SLC25A21: variants seen among roughly 807,000 people sequenced by gnomAD.
The protein encoded by SLC25A21 is mitochondrial 2-oxodicarboxylate carrier.
A neutral mutation model predicts 43.8 loss-of-function variants in SLC25A21; 47 were observed. The observed-to-expected ratio is 1.07, with a 90% CI of 0.85 to 1.37. The LOEUF (loss-of-function observed/expected upper bound fraction) is 1.37. SLC25A21 is among the 40% of genes most tolerant of loss of function. The pLI is 0.00. For missense variants in SLC25A21, 352 were observed against 350.2 expected (o/e 1.00, Z -0.04); for synonymous variants, 131 against 121.3 (o/e 1.08, Z -0.52).
chr14:36,903,614 GAAA>G (rs71124784), intron 1 of SLC25A21, among the ~76,000 whole-genome samples: 111 of 50,438 alleles, frequency 2.2e-3, no homozygotes, highest in South Asian at 0.012. Context: ...CTCCGTCTCA[GAAA>G]AAAAAAAAAA....
rs537381869 is a variant in SLC25A21 at position 36,748,344 on chromosome 14, G to T, written c.204-13771C>A. Among the ~76,000 whole-genome samples the T allele has an allele frequency of 5.9e-5, 9 of 152,268 alleles. No individual in the cohort carries two copies. The East Asian group carries it at 1.7e-3, about 29-fold the overall frequency. ...TTGAGGAACGGCTGAGCCAAGGTTT[G>T]TCATCTCTTTTGTCATTCAGTCCTC... is the stretch of plus-strand genomic sequence containing the variant. On this transcript the variant is annotated intron_variant, in intron 3 of 9. Transcript: ENST00000331299.
At chr14:37,061,577 G>A (rs1423954385) in intron 1 of SLC25A21, among the ~76,000 whole-genome samples, 1 of 151,602 alleles carries the variant, frequency 6.6e-6, no homozygotes, top group African/African-American at 2.4e-5. Context: ...TCTATTTAGA[G>A]AACAATGAGG....
chr14:36,930,508 T>G lies in SLC25A21; in HGVS notation c.71-55504A>C, dbSNP rs529004507. ...TCTTAATTCTAGCCATTCCTCTTCA[T>G]CCACATTGCCCTTGCCTTATATCGA... On this transcript the variant is annotated intron_variant, in intron 1 of 9. Coordinates refer to ENST00000331299, the MANE Select transcript of SLC25A21 (RefSeq NM_030631.4). Among the ~76,000 whole-genome samples, 23 of 152,236 alleles carry G rather than the reference T, an allele frequency of 1.5e-4. No individual in the cohort carries two copies. The East Asian group carries it at 4.5e-3, about 30-fold the overall frequency.
At chr14:36,984,333 CTA>C (rs1272817937) in intron 1 of SLC25A21, among the ~76,000 whole-genome samples, 2 of 152,106 alleles carry the variant, frequency 1.3e-5, no homozygotes, top group African/African-American at 2.4e-5. Flanking sequence ...AAAACAAAGA[CTA>C]AGGGGAAGTA....
intron 3 of SLC25A21, among the ~76,000 whole-genome samples, chr14:36,745,955 C>T (rs1369934166): frequency 1.3e-5 from 2 of 152,100 alleles, no homozygotes; most frequent in Non-Finnish European, 2.9e-5. Flanking sequence ...CAAAAAACAA[C>T]AGATGTTGAT....
intron 1 of SLC25A21, among the ~76,000 whole-genome samples, chr14:37,159,495 A>T (rs1423974434): frequency 6.6e-6 from 1 of 152,116 alleles, no homozygotes; most frequent in Non-Finnish European, 1.5e-5. Flanking sequence ...CGCTCTTCAA[A>T]AAATGGTACT....
chr14:37,009,879 T>C (rs961547023), intron 1 of SLC25A21, among the ~76,000 whole-genome samples: 1 of 152,152 alleles, frequency 6.6e-6, no homozygotes, highest in South Asian at 2.1e-4. Flanking sequence ...TCAGGACACA[T>C]TGCTTTGCAA....
Position 36,678,192 on chromosome 14 carries a change from G to A in SLC25A21, c.*2466C>T. On this transcript the variant is annotated 3_prime_UTR_variant, in exon 10 of 10. Coordinates refer to ENST00000331299, the MANE Select transcript of SLC25A21 (RefSeq NM_030631.4). ...GCGGTTCCACCACATCGGTTTCGTG[G>A]CTTCGTTTAAAACTCAGATGGCTAG... The A allele has an allele frequency of 2.2e-6, 1 of 461,044 alleles. No homozygotes were observed. The highest frequency in any genetic ancestry group is 3.3e-5 in the South Asian group (1 of 30,558). 28.6% of individuals were successfully genotyped at this position (461,044 alleles called of 1,614,324 possible). A position where few individuals can be genotyped will look rare whatever the true frequency, so the allele number is the denominator to read the frequency against.
Position 36,781,386 on chromosome 14 carries a change from T to C in SLC25A21, c.203+32532A>G, listed in dbSNP as rs551303917. On this transcript the variant is annotated intron_variant, in intron 3 of 9. Coordinates refer to ENST00000331299, the MANE Select transcript of SLC25A21 (RefSeq NM_030631.4). The stretch of plus-strand genomic sequence containing the variant: ...CTGCCATTTTGTTGTTTTCTGACTA[T>C]ACTTCCTTTGTTCCTTTTTACATCT... 3.9e-5 allele frequency among the ~76,000 whole-genome samples: 6 copies of C among 152,320 alleles called. No homozygotes were observed. In the South Asian group the frequency reaches 1.2e-3, roughly 32 times the overall value.
At chr14:36,873,595 C>G (rs906058359) in intron 2 of SLC25A21, among the ~76,000 whole-genome samples, 2 of 152,078 alleles carry the variant, frequency 1.3e-5, no homozygotes, top group Non-Finnish European at 2.9e-5. Context: ...CGCGCAGGGC[C>G]CCTGGTTTTC....
chr14:36,975,985 A>G (rs1594731015), intron 1 of SLC25A21, among the ~76,000 whole-genome samples: 1 of 152,234 alleles, frequency 6.6e-6, no homozygotes, highest in Non-Finnish European at 1.5e-5. Context: ...GGCAGTGTCA[A>G]TGTAAACCAA....
At chr14:36,942,591 A>G (rs1892590029) in intron 1 of SLC25A21, among the ~76,000 whole-genome samples, 1 of 152,228 alleles carries the variant, frequency 6.6e-6, no homozygotes. Context: ...ATTTTATGCA[A>G]GGACAGAAAG....
intron 2 of SLC25A21, among the ~76,000 whole-genome samples, chr14:36,823,968 T>C (rs1398458535): frequency 6.6e-6 from 1 of 152,184 alleles, no homozygotes. Flanking sequence ...GGAATTTGAA[T>C]GTAGTTAAAT....
At chr14:36,898,198 G>C (rs538100130) in intron 1 of SLC25A21, among the ~76,000 whole-genome samples, 1 of 152,110 alleles carries the variant, frequency 6.6e-6, no homozygotes, top group Admixed American at 6.5e-5. Context: ...CGAGCTTCCC[G>C]GCCTCTTTGT....
At chr14:36,719,513 A>G (rs1011839747) in intron 6 of SLC25A21, among the ~76,000 whole-genome samples, 1 of 152,194 alleles carries the variant, frequency 6.6e-6, no homozygotes, top group African/African-American at 2.4e-5. Flanking sequence ...CAAAGCTATG[A>G]TTACTTTGCT....
At chr14:36,887,699 G>A (rs1890961861) in intron 1 of SLC25A21, among the ~76,000 whole-genome samples, 1 of 152,122 alleles carries the variant, frequency 6.6e-6, no homozygotes. Context: ...TAGAGTACCA[G>A]GACCTCTATT....
In SLC25A21 at chr14:36,705,346, C is replaced by A. The variant is rs560027168; in HGVS notation, c.603+5972G>T. Among the ~76,000 whole-genome samples the A allele has an allele frequency of 2.6e-5, 4 of 152,148 alleles. No individual in the cohort carries two copies. In the East Asian group the frequency reaches 7.7e-4, roughly 29 times the overall value. ...AGGTGTGAGCCACTGCGTCCGGCGG[C>A]TTACTGTTTTAAGTTCCTATTTTAC... On this transcript the variant is annotated intron_variant, in intron 7 of 9. Transcript: ENST00000331299.
intron 1 of SLC25A21, among the ~76,000 whole-genome samples, chr14:36,986,885 G>C (rs1321078090): frequency 6.6e-6 from 1 of 152,102 alleles, no homozygotes; most frequent in Non-Finnish European, 1.5e-5. Context: ...CTAAGCAGTA[G>C]AGTCCTTCAG....
At chr14:36,910,422 C>T (rs1391712355) in intron 1 of SLC25A21, among the ~76,000 whole-genome samples, 1 of 152,090 alleles carries the variant, frequency 6.6e-6, no homozygotes, top group Non-Finnish European at 1.5e-5. Context: ...AGGACCTCAC[C>T]ATATTTCTAA....
Sources: allele counts gnomAD v4.1 joint callset (sites outside exome capture counted in the v4.1 genomes callset), GRCh38; gene constraint gnomAD v4.1.1; transcripts MANE v1.5; gene names NCBI Gene and HGNC (gene_info 2026-07-23, HGNC 2026-07-21).